The following CFTR variants were observed in gnomAD, a reference collection of about 807,000 sequenced individuals.
CFTR encodes the protein cystic fibrosis transmembrane conductance regulator.
CFTR carries 181 observed loss-of-function variants against 171.6 expected under a neutral mutation model. The ratio of observed to expected loss-of-function variants is 1.05; its 90% CI spans 0.93 to 1.19. The LOEUF (loss-of-function observed/expected upper bound fraction) is 1.19. Ranked by LOEUF, CFTR falls within the 50% of genes most tolerant of loss-of-function variation. The probability of loss-of-function intolerance (pLI) is 0.00; values close to 1 mark genes in which losing one functional copy is unlikely to be tolerated. For missense variants in CFTR, 1,968 were observed against 1,734.7 expected (o/e 1.13, Z -2.39); for synonymous variants, 583 against 608.0 (o/e 0.96, Z 0.60).
chr7:117,512,575 A>G (rs1371502565), intron 3 of CFTR, among the ~76,000 whole-genome samples: 1 of 145,268 alleles, frequency 6.9e-6, no homozygotes, highest in African/African-American at 2.5e-5. Context: ...CAGAGGTTGC[A>G]GTGAGCTGAG....
rs28517401 is a variant in CFTR at position 117,610,711 on chromosome 7, A to G, written c.3139+42A>G. The stretch of plus-strand genomic sequence containing the variant: ...GCGATACTCATCTTGTAAAAAAGCT[A>G]TAAGAGCTATTTGAGATTCTTTATT... On this transcript the variant is annotated intron_variant, in intron 19 of 26. Coordinates refer to ENST00000003084, the MANE Select transcript of CFTR (RefSeq NM_000492.4). 11 of 1,605,022 alleles carry G rather than the reference A, an allele frequency of 6.9e-6. No individual in the cohort carries two copies. Among genetic ancestry groups the G allele is most frequent in the East Asian group, 6.7e-5 (3 of 44,600 alleles).
At chr7:117,613,192 T>A (rs35066567) in intron 20 of CFTR, among the ~76,000 whole-genome samples, 1 of 152,330 alleles carries the variant, frequency 6.6e-6, no homozygotes, top group East Asian at 1.9e-4. Context: ...CAAAGAAGGC[T>A]GAATTACATA....
chr7:117,537,964 G>C (rs1250954829), intron 7 of CFTR, among the ~76,000 whole-genome samples: 1 of 152,152 alleles, frequency 6.6e-6, no homozygotes, highest in Non-Finnish European at 1.5e-5. Context: ...TCAAACTCAT[G>C]ATAAACTCAT....
In CFTR at chr7:117,536,611, C is replaced by G; in HGVS notation, c.807C>G (p.Ile269Met). The change falls in exon 7 of 27, where the codon ATC becomes ATG. Residue 269 changes from isoleucine to methionine, a missense_variant. Physicochemically the swap from Ile to Met is conservative, Grantham distance 10. Coordinates refer to ENST00000003084, the MANE Select transcript of CFTR (RefSeq NM_000492.4). ...LVITSEMIEN[I>M]QSVKAYCWEE... ...TTACCTCAGAAATGATTGAAAATAT[C>G]CAATCTGTTAAGGCATACTGCTGGG... is the stretch of plus-strand genomic sequence containing the variant. The G allele has an allele frequency of 6.2e-7, 1 of 1,608,066 alleles. No individual in the cohort carries two copies. Among genetic ancestry groups the G allele is most frequent in the Non-Finnish European group, 8.5e-7 (1 of 1,176,144 alleles).
intron 10 of CFTR, among the ~76,000 whole-genome samples, chr7:117,554,567 G>A (rs1293595091): frequency 3.3e-5 from 5 of 152,088 alleles, no homozygotes; most frequent in African/African-American, 1.2e-4. Context: ...GTGTGAAGAT[G>A]GGGCTGGATA....
At chr7:117,620,545 G>C (rs1180390041) in intron 21 of CFTR, among the ~76,000 whole-genome samples, 2 of 152,132 alleles carry the variant, frequency 1.3e-5, no homozygotes, top group Non-Finnish European at 2.9e-5. Context: ...AAAGAACTCT[G>C]AACCAGTGTG....
intron 1 of CFTR, among the ~76,000 whole-genome samples, chr7:117,500,414 G>T (rs1040640957): frequency 6.6e-6 from 1 of 150,654 alleles, no homozygotes; most frequent in Admixed American, 6.7e-5. Context: ...AGCCTCCCGC[G>T]TAGCTGGGAT....
Position 117,614,766 on chromosome 7 carries a change from A to T in CFTR, c.3468+53A>T, listed in dbSNP as rs1031039013. ...ATGAAAAAAATTCAGACAAGTAACA[A>T]AGTATGAGTAATAGCATGAGGAAGA... On this transcript the variant is annotated intron_variant, in intron 21 of 26. Transcript: ENST00000003084. 5 of 1,096,088 alleles carry T rather than the reference A, an allele frequency of 4.6e-6. No homozygotes were observed. The African/African-American group carries it at 7.7e-5, about 17-fold the overall frequency. The allele number at this position is 1,096,088 out of a possible 1,614,324, so 67.9% of individuals were successfully genotyped here. A position where few individuals can be genotyped will look rare whatever the true frequency, so the allele number is the denominator to read the frequency against.
chr7:117,557,413 A>G (rs932684510), intron 10 of CFTR, among the ~76,000 whole-genome samples: 1 of 152,134 alleles, frequency 6.6e-6, no homozygotes, highest in Admixed American at 6.5e-5. Context: ...GTACATCATT[A>G]TTCATGATAT....
intron 2 of CFTR, among the ~76,000 whole-genome samples, chr7:117,508,529 A>G (rs1798459673): frequency 6.6e-6 from 1 of 152,242 alleles, no homozygotes; most frequent in Middle Eastern, 3.2e-3. Flanking sequence ...TTTAAAAACA[A>G]AGTCTAACAG....
intron 24 of CFTR, among the ~76,000 whole-genome samples, chr7:117,656,091 T>G (rs953862671): frequency 1.3e-5 from 2 of 152,154 alleles, no homozygotes; most frequent in Non-Finnish European, 2.9e-5. Context: ...TAGCACTACT[T>G]TGTCCTTTCC....
chr7:117,503,143 A>G (rs1050841747), intron 1 of CFTR, among the ~76,000 whole-genome samples: 2 of 152,202 alleles, frequency 1.3e-5, no homozygotes, highest in South Asian at 2.1e-4. Context: ...CTTTGCTAGA[A>G]TATCTTTTCT....
At chr7:117,634,148 T>A (rs959025048) in intron 22 of CFTR, among the ~76,000 whole-genome samples, 4 of 152,094 alleles carry the variant, frequency 2.6e-5, no homozygotes, top group Admixed American at 1.3e-4. Context: ...GGAAGGTCAT[T>A]AATTATTTTA....
In CFTR at chr7:117,593,142, G is replaced by T. The variant is rs977652671; in HGVS notation, c.2490+485G>T. Among the ~76,000 whole-genome samples the T allele has an allele frequency of 2.6e-5, 4 of 152,194 alleles. 1 individual carries two copies. The highest frequency in any genetic ancestry group is 4.1e-4 in the South Asian group (2 of 4,836). On this transcript the variant is annotated intron_variant, in intron 14 of 26. Transcript: ENST00000003084. ...TATCAGTCTTGCCTGAATTTAGCTAGTGTGGGCTTTTTTTTATCTTGTGAG... is the reference window on the plus strand; with the variant it reads ...TATCAGTCTTGCCTGAATTTAGCTATTGTGGGCTTTTTTTTATCTTGTGAG...
chr7:117,612,021 A>ATATATATG (rs1197151233), intron 20 of CFTR, among the ~76,000 whole-genome samples: 1 of 52,400 alleles, frequency 1.9e-5, no homozygotes, highest in African/African-American at 7.3e-5. Flanking sequence ...ATATATATAT[A>ATATATATG]TGTATATATA....
chr7:117,537,251 T>A lies in CFTR; in HGVS notation c.869+578T>A, dbSNP rs34179723. Among the ~76,000 whole-genome samples, 1,025 of 152,332 alleles carry A rather than the reference T, an allele frequency of 6.7e-3. 10 individuals carry two copies. Among genetic ancestry groups the A allele is most frequent in the African/African-American group, 0.023 (949 of 41,572 alleles). The stretch of plus-strand genomic sequence containing the variant: ...TGAGATAGAATCAGTACTTGGCACC[T>A]ATCTCTAGTGTTCTTTCACCTCATA... On this transcript the variant is annotated intron_variant, in intron 7 of 26. Transcript: ENST00000003084.
chr7:117,655,724 T>C (rs893073063), intron 24 of CFTR, among the ~76,000 whole-genome samples: 3 of 152,178 alleles, frequency 2.0e-5, no homozygotes, highest in African/African-American at 2.4e-5. Context: ...TCTTAGTCCA[T>C]TGGGGCTACT....
At chr7:117,617,232 A>C (rs1792504548) in intron 21 of CFTR, among the ~76,000 whole-genome samples, 1 of 151,754 alleles carries the variant, frequency 6.6e-6, no homozygotes. Flanking sequence ...ACAAAAACAC[A>C]GAGTCAAATG....
intron 3 of CFTR, among the ~76,000 whole-genome samples, chr7:117,516,000 A>G (rs1448223324): frequency 6.6e-6 from 1 of 152,108 alleles, no homozygotes; most frequent in Non-Finnish European, 1.5e-5. Flanking sequence ...TATTTGTGAA[A>G]TTTTGGAACC....
Sources: allele counts gnomAD v4.1 joint callset (sites outside exome capture counted in the v4.1 genomes callset), GRCh38; gene constraint gnomAD v4.1.1; transcripts MANE v1.5; gene names NCBI Gene and HGNC (gene_info 2026-07-23, HGNC 2026-07-21).